The following GOLGA8K variants were observed in gnomAD, a reference collection of about 807,000 sequenced individuals.
GOLGA8K encodes golgin subfamily A member 8K.
In GOLGA8K, 12 loss-of-function variants were observed where a neutral mutation model predicts 75.2. The ratio of observed to expected loss-of-function variants is 0.16; its 90% confidence interval spans 0.10 to 0.26. The LOEUF is 0.26. GOLGA8K is among the 10% of genes least tolerant of loss of function. GOLGA8K has a pLI of 1.00. For missense variants in GOLGA8K, 109 were observed against 640.8 expected (o/e 0.17, Z 8.96); for synonymous variants, 48 against 236.6 (o/e 0.20, Z 7.32).
At chr15:32,395,583 GT>G (rs2054600703) in intron 13 of GOLGA8K, among the ~76,000 whole-genome samples, 1 of 145,842 alleles carries the variant, frequency 6.9e-6, no homozygotes, top group South Asian at 2.2e-4. Context: ...TAGAGATGAG[GT>G]TTTACCACAT....
In GOLGA8K at chr15:32,389,999, T is replaced by TC. The variant is rs1263604133; in HGVS notation, c.*2782_*2783insG. Among the ~76,000 whole-genome samples the TC allele has an allele frequency of 1.1e-5, 1 of 89,226 alleles. No homozygotes were observed. The highest frequency in any genetic ancestry group is 2.5e-5 in the Non-Finnish European group (1 of 40,644). 58.5% of individuals were successfully genotyped at this position (89,226 alleles called of 152,430 possible). A position where few individuals can be genotyped will look rare whatever the true frequency, so the allele number is the denominator to read the frequency against. ...TCAGCTTTGGTTTTAGAGCTGATTT[T>TC]TTTTTTCATTTCTGGAAAATTATCA... On this transcript the variant is annotated 3_prime_UTR_variant, in exon 19 of 19. Coordinates refer to ENST00000512626, the MANE Select transcript of GOLGA8K (RefSeq NM_001282493.2).
chr15:32,394,935 G>A (rs1159888527), intron 13 of GOLGA8K, among the ~76,000 whole-genome samples, 195 bp from the exon 14 acceptor site: 1 of 149,396 alleles, frequency 6.7e-6, no homozygotes, highest in Non-Finnish European at 1.5e-5. Flanking sequence ...CCTGTACAGC[G>A]CCTCCTTCTC....
chr15:32,394,911 T>C (rs1424922677), intron 13 of GOLGA8K, among the ~76,000 whole-genome samples, 171 bp from the exon 14 acceptor site: 1 of 145,220 alleles, frequency 6.9e-6, no homozygotes, highest in South Asian at 2.2e-4. Flanking sequence ...TAGCTGGGTC[T>C]GCTGCAGTCA....
chr15:32,398,200 G>C (rs1260137155), intron 8 of GOLGA8K, among the ~76,000 whole-genome samples: 1 of 142,358 alleles, frequency 7.0e-6, no homozygotes, highest in East Asian at 2.1e-4. Context: ...ACATGCACGC[G>C]TTTCCTCTTT....
Position 32,393,361 on chromosome 15 carries a change from C to T in GOLGA8K, c.1493G>A (p.Gly498Glu). 9.3e-7 allele frequency: 1 copy of T among 1,073,196 alleles called. No individual in the cohort carries two copies. The highest frequency in any genetic ancestry group is 1.3e-6 in the Non-Finnish European group (1 of 797,830). 66.5% of individuals were successfully genotyped at this position (1,073,196 alleles called of 1,614,324 possible). A position where few individuals can be genotyped will look rare whatever the true frequency, so the allele number is the denominator to read the frequency against. ...QKTHHLLSEPGGCAKDAALGG... is the reference protein window; with the variant it reads ...QKTHHLLSEPEGCAKDAALGG... ...CAGTGCCGCATCTTTGGCACAGCCC[C>T]CTGGTTCTGATAAAAGGTGATGGGT... The change falls in exon 17 of 19, where the codon GGG becomes GAG. Residue 498 changes from glycine (G) to glutamate (E), a missense_variant. Coordinates refer to ENST00000512626, the MANE Select transcript of GOLGA8K (RefSeq NM_001282493.2).
intron 13 of GOLGA8K, among the ~76,000 whole-genome samples, chr15:32,395,627 G>C (rs1421774887): frequency 1.4e-5 from 2 of 145,102 alleles, no homozygotes; most frequent in South Asian, 2.2e-4. Context: ...CCGACCTCAA[G>C]TGATTCTCCT....
rs748456838 is a variant in GOLGA8K, at chr15:32,395,920, C to T, written c.1200+43G>A. The T allele has an allele frequency of 1.3e-5, 20 of 1,497,894 alleles. 1 individual carries two copies. Among genetic ancestry groups the T allele is most frequent in the East Asian group, 2.4e-5 (1 of 41,582 alleles). 92.8% of individuals were successfully genotyped at this position (1,497,894 alleles called of 1,614,324 possible). ...CCTCCCAAGAGGCTGCTGCCCGCCT[C>T]CCAGCCCTTCTTGGATGGGGTGGAG... On this transcript the variant is annotated intron_variant, in intron 13 of 18. Transcript: ENST00000512626.
intron 13 of GOLGA8K, 127 bp from the exon 14 acceptor site, chr15:32,394,867 T>C: frequency 8.5e-7 from 1 of 1,173,840 alleles, no homozygotes; most frequent in East Asian, 2.8e-5. Flanking sequence ...GCCACCGCTT[T>C]GCCCCAAGCT....
rs2054574915 is a variant in GOLGA8K, at chr15:32,394,242, G to C, written c.1277-9C>G. ...CAGATGTTCTCCGTGTCCTGTGGGG[G>C]GTGGCCAGAGGGGTCTTCAGACAAC... On this transcript the variant is annotated splice_polypyrimidine_tract_variant and intron_variant, in intron 14 of 18. Transcript: ENST00000512626. 6.6e-7 allele frequency: 1 copy of C among 1,523,096 alleles called. No homozygotes were observed. Among genetic ancestry groups the C allele is most frequent in the Non-Finnish European group, 8.9e-7 (1 of 1,128,978 alleles). The allele number at this position is 1,523,096 out of a possible 1,614,324, so 94.3% of individuals were successfully genotyped here. A position where few individuals can be genotyped will look rare whatever the true frequency, so the allele number is the denominator to read the frequency against.
chr15:32,394,030 C>G (rs1265933957), intron 15 of GOLGA8K, 115 bp downstream of exon 15: 4 of 484,576 alleles, frequency 8.3e-6, no homozygotes, highest in Admixed American at 8.8e-5. Context: ...CACTGGCTCT[C>G]GGAAGGGGTG....
chr15:32,395,819 A>G lies in GOLGA8K; in HGVS notation c.1200+144T>C, dbSNP rs2081536. 1.8e-4 allele frequency: 249 copies of G among 1,368,150 alleles called. 11 individuals are homozygous for G. Among genetic ancestry groups the G allele is most frequent in the South Asian group, 8.3e-4 (67 of 81,078 alleles). The allele number at this position is 1,368,150 out of a possible 1,614,324, so 84.8% of individuals were successfully genotyped here. ...CCTTTAAAAGTCAGAGGCAGGAAGC[A>G]AGAAACAGGACTGCCCTGGGGGGTG... On this transcript the variant is annotated intron_variant, in intron 13 of 18. Transcript: ENST00000512626.
rs548904909 is a variant in GOLGA8K at position 32,395,556 on chromosome 15, T to C, written c.1200+407A>G. ...CACAATGTCCTGCTAATTTTTTTTT[T>C]TTTTTTGTAATTTTAGTAGAGATGA... On this transcript the variant is annotated intron_variant, in intron 13 of 18. Coordinates refer to ENST00000512626, the MANE Select transcript of GOLGA8K (RefSeq NM_001282493.2). Among the ~76,000 whole-genome samples the C allele has an allele frequency of 2.7e-5, 4 of 148,530 alleles. No homozygotes were observed. In the South Asian group the frequency reaches 8.6e-4, roughly 32 times the overall value.
chr15:32,390,003 T>TC lies in GOLGA8K; in HGVS notation c.*2778_*2779insG, dbSNP rs2054525670. 1.1e-5 allele frequency among the ~76,000 whole-genome samples: 1 copy of TC among 89,140 alleles called. No individual in the cohort carries two copies. The highest frequency in any genetic ancestry group is 3.5e-5 in the African/African-American group (1 of 28,898). The allele number at this position is 89,140 out of a possible 152,430, so 58.5% of individuals were successfully genotyped here. Reference sequence around the variant, plus strand: ...CTTTGGTTTTAGAGCTGATTTTTTTTTTCATTTCTGGAAAATTATCAGGTT... The same window carrying TC: ...CTTTGGTTTTAGAGCTGATTTTTTTTCTTCATTTCTGGAAAATTATCAGGTT... On this transcript the variant is annotated 3_prime_UTR_variant, in exon 19 of 19. Coordinates refer to ENST00000512626, the MANE Select transcript of GOLGA8K (RefSeq NM_001282493.2).
intron 14 of GOLGA8K, 67 bp from the exon 15 acceptor site, chr15:32,394,300 C>T (rs1224351918): frequency 3.1e-6 from 2 of 645,146 alleles, no homozygotes; most frequent in East Asian, 3.0e-5. Flanking sequence ...CCCACCTCTA[C>T]CTCCACCCTC....
Position 32,396,424 on chromosome 15 carries a change from T to A in GOLGA8K, c.994A>T (p.Ile332Leu). The change falls in exon 12 of 19, where the codon ATA (isoleucine) becomes TTA (leucine). Residue 332 changes from isoleucine to leucine, a missense_variant. Ile to Leu is a conservative substitution (Grantham distance 5, BLOSUM62 2). Coordinates refer to ENST00000512626, the MANE Select transcript of GOLGA8K (RefSeq NM_001282493.2). The stretch of plus-strand genomic sequence containing the variant: ...TCTTGTCGCTGGTTCAGGAGACTTA[T>A]GCGCTGATTCTTTTTGACCTGGGCC... ...LQAQVKKNQR[I>L]SLLNQRQEER... The A allele has an allele frequency of 6.9e-7, 1 of 1,446,212 alleles. No individual in the cohort carries two copies. The highest frequency in any genetic ancestry group is 2.6e-5 in the East Asian group (1 of 38,416). 89.6% of individuals were successfully genotyped at this position (1,446,212 alleles called of 1,614,324 possible).
chr15:32,393,414 G>A lies in GOLGA8K; in HGVS notation c.1464-24C>T, dbSNP rs772594342. On this transcript the variant is annotated intron_variant, in intron 16 of 18. Coordinates refer to ENST00000512626, the MANE Select transcript of GOLGA8K (RefSeq NM_001282493.2). ...TCCTGCGGGAGGACAGGGCTCAGAC[G>A]CTGGGGCCCCTCCGACGGCCCTGTA... 25 of 1,075,848 alleles carry A rather than the reference G, an allele frequency of 2.3e-5. 5 individuals are homozygous for A. Among genetic ancestry groups the A allele is most frequent in the South Asian group, 5.8e-5 (4 of 69,164 alleles). The allele number at this position is 1,075,848 out of a possible 1,614,324, so 66.6% of individuals were successfully genotyped here.
intron 12 of GOLGA8K, 67 bp from the exon 13 acceptor site, chr15:32,396,098 T>C: frequency 1.5e-6 from 1 of 660,580 alleles, no homozygotes; most frequent in Non-Finnish European, 2.6e-6. Flanking sequence ...GGTGTCTGCC[T>C]CCCATGGCAC....
chr15:32,395,555 T>G (rs1298913073), intron 13 of GOLGA8K, among the ~76,000 whole-genome samples: 2 of 148,438 alleles, frequency 1.3e-5, no homozygotes, highest in Non-Finnish European at 3.0e-5. Flanking sequence ...AATTTTTTTT[T>G]TTTTTTTGTA....
chr15:32,394,228 C>T lies in GOLGA8K; in HGVS notation c.1282G>A (p.Gly428Arg), dbSNP rs555179704. 167 of 1,534,438 alleles carry T rather than the reference C, an allele frequency of 1.1e-4. 22 individuals are homozygous for T. In the East Asian group the frequency reaches 2.8e-3, roughly 26 times the overall value. ...SLMALPGEGH[G>R]EHLDSEGEEA... ...TCCCCCTCACTGTCCAGATGTTCTC[C>T]GTGTCCTGTGGGGGGTGGCCAGAGG... Residue 428 changes from glycine (G) to arginine (R), a missense_variant, in exon 15 of 19, where the codon GGA (glycine) becomes AGA (arginine). By Grantham distance (125) the Gly-to-Arg change is moderately radical. Transcript: ENST00000512626.
Sources: allele counts gnomAD v4.1 joint callset (sites outside exome capture counted in the v4.1 genomes callset), GRCh38; gene constraint gnomAD v4.1.1; transcripts MANE v1.5; gene names NCBI Gene and HGNC (gene_info 2026-07-23, HGNC 2026-07-21).